Variants in MAP3K15 observed in about 807,000 individuals in gnomAD.
MAP3K15 encodes mitogen-activated protein kinase kinase kinase 15.
MAP3K15 carries 124 observed loss-of-function variants against 99.5 expected under a neutral mutation model. That is an observed-to-expected ratio of 1.25 (90% CI 1.08 to 1.45). The LOEUF is 1.45. Among genes scored for constraint, MAP3K15 ranks in the 40% most tolerant of loss-of-function variants. The pLI is 0.00. For missense variants in MAP3K15, 1,242 were observed against 1,079.7 expected (o/e 1.15, Z -2.11); for synonymous variants, 494 against 439.6 (o/e 1.12, Z -1.55).
intron 24 of MAP3K15, among the ~76,000 whole-genome samples, chrX:19,369,804 G>T (rs1046090881): frequency 2.7e-5 from 3 of 110,956 alleles, no homozygotes; most frequent in Admixed American, 1.9e-4. Flanking sequence ...CAGCTACTCC[G>T]GAGGCTGAGG....
intron 15 of MAP3K15, among the ~76,000 whole-genome samples, chrX:19,396,082 C>T (rs920219435): frequency 3.6e-5 from 4 of 111,580 alleles, no homozygotes; most frequent in African/African-American, 1.3e-4. Context: ...CTTCTGCGTT[C>T]TAAAAACACT....
intron 1 of MAP3K15, 51 bp downstream of exon 1, chrX:19,514,850 C>T: frequency 1.3e-6 from 1 of 764,391 alleles, no homozygotes; most frequent in Non-Finnish European, 1.7e-6. Context: ...TGCCCTGGCT[C>T]GTGTGAGGGT....
chrX:19,500,042 T>G (rs768397400), intron 1 of MAP3K15, among the ~76,000 whole-genome samples: 1 of 111,787 alleles, frequency 8.9e-6, no homozygotes, highest in East Asian at 2.8e-4. Context: ...AGGTCAGGAG[T>G]TCGAGACCAT....
Position 19,446,724 on chromosome X carries a change from G to A in MAP3K15, c.995+10189C>T, listed in dbSNP as rs1602315853. On this transcript the variant is annotated intron_variant, in intron 6 of 28. Transcript: ENST00000338883. Reference sequence around the variant, plus strand: ...GTAGTCAGAGCCCATCTTAACCTCCGGTCTTATCAAACATCAACCACTGAA... The same window carrying A: ...GTAGTCAGAGCCCATCTTAACCTCCAGTCTTATCAAACATCAACCACTGAA... 2.7e-5 allele frequency among the ~76,000 whole-genome samples: 3 copies of A among 110,266 alleles called. No homozygotes were observed. In the South Asian group the frequency reaches 1.2e-3, roughly 44 times the overall value.
intron 19 of MAP3K15, among the ~76,000 whole-genome samples, chrX:19,377,624 G>C (rs565408728): frequency 8.9e-6 from 1 of 112,105 alleles, no homozygotes; most frequent in South Asian, 3.7e-4. Context: ...CCCTGCGGAG[G>C]AATCGAGCCA....
rs781287212 is a variant in MAP3K15, at chrX:19,499,028, AT to A, written c.362-10062del. Among the ~76,000 whole-genome samples the A allele has an allele frequency of 8.0e-5, 9 of 112,066 alleles. No individual in the cohort carries two copies. In the East Asian group the frequency reaches 1.4e-3, roughly 17 times the overall value. On this transcript the variant is annotated intron_variant, in intron 1 of 28. Coordinates refer to ENST00000338883, the MANE Select transcript of MAP3K15 (RefSeq NM_001001671.4). ...CAGTCTGGGAGCAAATATTCACAAAATATATGACAAAGCACTTAAATCCAAA... is the reference window on the plus strand; with the variant it reads ...CAGTCTGGGAGCAAATATTCACAAAAATATGACAAAGCACTTAAATCCAAA...
intron 9 of MAP3K15, among the ~76,000 whole-genome samples, chrX:19,420,328 G>C (rs1265854640): frequency 9.0e-6 from 1 of 111,706 alleles, no homozygotes; most frequent in Non-Finnish European, 1.9e-5. Context: ...GAATCAAACA[G>C]ATGCAATAAA....
chrX:19,404,126 C>T (rs2063630290), intron 13 of MAP3K15, among the ~76,000 whole-genome samples: 1 of 111,031 alleles, frequency 9.0e-6, no homozygotes, highest in Non-Finnish European at 1.9e-5. Context: ...CTAAGGAATT[C>T]AATAAAACCC....
intron 19 of MAP3K15, among the ~76,000 whole-genome samples, chrX:19,378,561 G>A (rs972318603): frequency 9.0e-6 from 1 of 111,210 alleles, no homozygotes; most frequent in Non-Finnish European, 1.9e-5. Flanking sequence ...AGAACTGGAT[G>A]GGGGAAATCA....
intron 3 of MAP3K15, among the ~76,000 whole-genome samples, chrX:19,470,974 G>A (rs1050987808): frequency 1.3e-4 from 15 of 111,724 alleles, no homozygotes; most frequent in African/African-American, 4.6e-4. Flanking sequence ...AGGAGGGGGG[G>A]TAGGAATTCT....
At chrX:19,402,825 C>G (rs977658533) in intron 13 of MAP3K15, among the ~76,000 whole-genome samples, 1 of 111,069 alleles carries the variant, frequency 9.0e-6, no homozygotes, top group African/African-American at 3.3e-5. Context: ...CCACCACGCC[C>G]AGCTAATTTT....
At position 19,392,361 on chromosome X, in the gene MAP3K15, G is replaced by T. The variant is rs757714655; in HGVS notation, c.2307C>A (p.Ile769=). 4 of 1,208,282 alleles carry T rather than the reference G, an allele frequency of 3.3e-6. No individual in the cohort carries two copies. Among genetic ancestry groups the T allele is most frequent in the Non-Finnish European group, 4.5e-6 (4 of 894,185 alleles). The change falls in exon 17 of 29, where the codon ATC becomes ATA. Residue 769 remains isoleucine (I), a synonymous_variant. Transcript: ENST00000338883. The stretch of plus-strand genomic sequence containing the variant: ...CAAGTACCTTTATGTCTCTGTGCAC[G>T]ATCTGGTTTTCATGAAGATACTTAA... The part of the protein sequence containing the change: ...EGLKYLHENQ[I]VHRDIKGDNV...
chrX:19,479,094 T>C (rs1223809794), intron 3 of MAP3K15, among the ~76,000 whole-genome samples: 1 of 111,602 alleles, frequency 9.0e-6, no homozygotes, highest in Admixed American at 9.5e-5. Context: ...ATGACACACA[T>C]ACATACACAC....
At chrX:19,500,329 C>T (rs1327609752) in intron 1 of MAP3K15, among the ~76,000 whole-genome samples, 2 of 111,829 alleles carry the variant, frequency 1.8e-5, no homozygotes, top group Admixed American at 1.9e-4. Context: ...GAAATGAGAA[C>T]AGCAGGATGT....
At chrX:19,494,298 AAG>A (rs977492363) in intron 1 of MAP3K15, among the ~76,000 whole-genome samples, 4 of 110,276 alleles carry the variant, frequency 3.6e-5, no homozygotes, top group African/African-American at 1.3e-4. Context: ...CTGTCTTTTT[AAG>A]AGAGAGAGAG....
At chrX:19,473,448 G>C (rs1247293528) in intron 3 of MAP3K15, among the ~76,000 whole-genome samples, 2 of 112,196 alleles carry the variant, frequency 1.8e-5, no homozygotes, top group Non-Finnish European at 3.8e-5. Flanking sequence ...AGCAAACTAG[G>C]ATCAGCTATT....
intron 3 of MAP3K15, among the ~76,000 whole-genome samples, chrX:19,471,223 C>T (rs977069131): frequency 1.9e-4 from 21 of 109,552 alleles, no homozygotes; most frequent in African/African-American, 6.9e-4. Flanking sequence ...GAGAAAGGAG[C>T]AGAAAAATAC....
At chrX:19,496,014 C>G (rs897297670) in intron 1 of MAP3K15, among the ~76,000 whole-genome samples, 2 of 109,775 alleles carry the variant, frequency 1.8e-5, no homozygotes, top group Non-Finnish European at 3.8e-5. Context: ...CTGTCACACC[C>G]TTCACAGCTC....
chrX:19,496,692 G>C (rs188391351), intron 1 of MAP3K15: 1 of 111,396 alleles, frequency 9.0e-6, no homozygotes, highest in Non-Finnish European at 1.9e-5. Context: ...TCTTAATTAG[G>C]TCTTGTTAAA....
Sources: gnomAD v4.1 joint callset for allele counts (sites outside exome capture counted in the v4.1 genomes callset) on GRCh38, gnomAD v4.1.1 for gene constraint, MANE v1.5 for transcripts, NCBI Gene and HGNC (gene_info 2026-07-23, HGNC 2026-07-21) for gene names.